LLGL1: variants seen among roughly 807,000 people sequenced by gnomAD.
The protein encoded by LLGL1 is LLGL scribble cell polarity complex component 1, also known as lethal(2) giant larvae protein homolog 1.
A neutral mutation model predicts 110.6 loss-of-function variants in LLGL1; 58 were observed. That is an observed-to-expected ratio of 0.52 (90% confidence interval 0.42 to 0.65). The LOEUF is 0.65. Among genes scored for constraint, LLGL1 ranks in the 30% least tolerant of loss-of-function variants. The pLI, the probability that LLGL1 is intolerant of heterozygous loss-of-function variation, is 0.00. For missense variants in LLGL1, 1,229 were observed against 1,462.1 expected, an observed-to-expected ratio of 0.84 and a Z score of 2.60; for synonymous variants, 674 against 607.2, an observed-to-expected ratio of 1.11 and a Z score of -1.62.
At chr17:18,236,563 C>A in intron 11 of LLGL1, 44 bp from the exon 12 acceptor site, 1 of 1,573,198 alleles carries the variant, frequency 6.4e-7, no homozygotes, top group African/African-American at 1.3e-5. Flanking sequence ...GGCGTGCAGG[C>A]CTCCCAGGAA....
At position 18,233,854 on chromosome 17, in the gene LLGL1, G is replaced by A; in HGVS notation, c.469G>A (p.Gly157Ser). ...CGACATAGCAGCCCTGGGCACTGAG[G>A]GCAGCAGTGTCTTCTTCCTGGATGT... is the stretch of plus-strand genomic sequence containing the variant. ...ASDIAALGTE[G>S]SSVFFLDVTT... The change falls in exon 5 of 23, where the codon GGC becomes AGC. Residue 157 changes from glycine (G) to serine (S), a missense_variant. Gly to Ser is a moderately conservative substitution (Grantham distance 56, BLOSUM62 0). Transcript: ENST00000316843. 6.2e-7 allele frequency: 1 copy of A among 1,613,832 alleles called. No homozygotes were observed.
rs777994495 is a variant in LLGL1, at chr17:18,242,549, A to G, written c.3037A>G (p.Ile1013Val). The change falls in exon 21 of 23, where the codon ATC (isoleucine) becomes GTC (valine). Residue 1013 changes from isoleucine (I) to valine (V), a missense_variant. By Grantham distance (29) the Ile-to-Val change is conservative. Transcript: ENST00000316843. ...PPEAALSPMS[I>V]DSATSADTTL... ...CGAGGCTGCACTCTCACCCATGTCC[A>G]TCGACTCAGCCACCAGTGCTGACAC... 5 of 1,614,068 alleles carry G rather than the reference A, an allele frequency of 3.1e-6. No individual in the cohort carries two copies. Among genetic ancestry groups the G allele is most frequent in the African/African-American group, 2.7e-5 (2 of 75,042 alleles).
chr17:18,235,923 G>C, intron 11 of LLGL1: 1 of 244,740 alleles, frequency 4.1e-6, no homozygotes, highest in Non-Finnish European at 8.0e-6. Context: ...CCCCACTCCC[G>C]CCTGTGCTGG....
Position 18,236,673 on chromosome 17 carries a change from G to A in LLGL1, c.1419G>A (p.Leu473=). The A allele has an allele frequency of 6.2e-7, 1 of 1,612,874 alleles. No individual in the cohort carries two copies. Among genetic ancestry groups the A allele is most frequent in the Non-Finnish European group, 8.5e-7 (1 of 1,180,000 alleles). ...SGVALRPLYK[L]STAGLFQTDC... is the part of the protein sequence containing the mutation. ...TGGCGCTGCGGCCGCTCTATAAGCT[G>A]AGCACAGCTGGCCTCTTCCAGACAG... The change falls in exon 12 of 23, where the codon CTG becomes CTA. Residue 473 remains leucine, a synonymous_variant. Coordinates refer to ENST00000316843, the MANE Select transcript of LLGL1 (RefSeq NM_004140.4).
chr17:18,226,075 T>G (rs2047433932), intron 1 of LLGL1, among the ~76,000 whole-genome samples: 1 of 152,042 alleles, frequency 6.6e-6, no homozygotes, highest in Non-Finnish European at 1.5e-5. Flanking sequence ...TCTCTGGGTC[T>G]CTGTCCCTCT....
rs141442420 is a variant in LLGL1 at position 18,240,789 on chromosome 17, C to G, written c.2418C>G (p.Pro806=). 1 of 1,596,804 alleles carries G rather than the reference C, an allele frequency of 6.3e-7. No individual in the cohort carries two copies. The highest frequency in any genetic ancestry group is 8.5e-7 in the Non-Finnish European group (1 of 1,170,776). The change falls in exon 17 of 23, where the codon CCC becomes CCG. Residue 806 remains proline, a synonymous_variant. Transcript: ENST00000316843. The surrounding 1 kb of genome is among the most constrained non-coding windows in gnomAD (Gnocchi z 5.3). ...LDGRGRPLPE[P]YEASRDLAQA... ...GGCGTGGCCGCCCACTGCCCGAGCC[C>G]TACGAGGCCTCACGGGACCTGGCGC...
At position 18,238,131 on chromosome 17, in the gene LLGL1, A is replaced by C. The variant is rs2047737442; in HGVS notation, c.1969A>C (p.Lys657Gln). 6.2e-7 allele frequency: 1 copy of C among 1,613,708 alleles called. No individual in the cohort carries two copies. The highest frequency in any genetic ancestry group is 8.5e-7 in the Non-Finnish European group (1 of 1,180,004). Residue 657 changes from lysine (K) to glutamine (Q), a missense_variant, in exon 15 of 23, where the codon AAG becomes CAG. Coordinates refer to ENST00000316843, the MANE Select transcript of LLGL1 (RefSeq NM_004140.4). ...TCCGCTCTCCCGGGTGAAGTCTCTC[A>C]AGAAGTCACTGCGCCAGTCTTTCCG... ...EGPLSRVKSLKKSLRQSFRRI... is the reference protein window; with the variant it reads ...EGPLSRVKSLQKSLRQSFRRI...
At position 18,241,953 on chromosome 17, in the gene LLGL1, C is replaced by T. The variant is rs776008239; in HGVS notation, c.2836C>T (p.Leu946Phe). Residue 946 changes from leucine (L) to phenylalanine (F), a missense_variant, in exon 19 of 23, where the codon CTC (leucine) becomes TTC (phenylalanine). Transcript: ENST00000316843. ...SLSARNITEP[L>F]CSLDINWPRD... ...AAGTGCCCGGAACATCACAGAGCCGCTCTGCTCTCTGGACATTAACTGGCC... is the reference window on the plus strand; with the variant it reads ...AAGTGCCCGGAACATCACAGAGCCGTTCTGCTCTCTGGACATTAACTGGCC... 14 of 1,614,194 alleles carry T rather than the reference C, an allele frequency of 8.7e-6. No homozygotes were observed. Among genetic ancestry groups the T allele is most frequent in the Middle Eastern group, 1.6e-4 (1 of 6,062 alleles).
chr17:18,235,205 T>G lies in LLGL1; in HGVS notation c.1177T>G (p.Ser393Ala). ...PAPYLAPLHSSAITCSAHVAS... is the reference protein window; with the variant it reads ...PAPYLAPLHSAAITCSAHVAS... ...CCCATACCTGGCCCCGCTGCACTCC[T>G]CTGCAATCACTTGCTCGGCCCACGT... Residue 393 changes from serine (S) to alanine (A), a missense_variant, in exon 10 of 23, where the codon TCT becomes GCT. Ser to Ala is a moderately conservative substitution (Grantham distance 99). Transcript: ENST00000316843. The G allele has an allele frequency of 6.2e-7, 1 of 1,611,990 alleles. No homozygotes were observed. The highest frequency in any genetic ancestry group is 8.5e-7 in the Non-Finnish European group (1 of 1,180,014).
In LLGL1 at chr17:18,234,715, G is replaced by A. The variant is rs1420111414; in HGVS notation, c.905+12G>A. ...AACTGTGAATCTGGGTAGGTCGAGG[G>A]AGTGGGTGTCCGATGTGAGTTGGGT... On this transcript the variant is annotated intron_variant, in intron 8 of 22. Coordinates refer to ENST00000316843, the MANE Select transcript of LLGL1 (RefSeq NM_004140.4). 1.9e-6 allele frequency: 3 copies of A among 1,614,080 alleles called. No individual in the cohort carries two copies. The highest frequency in any genetic ancestry group is 1.7e-6 in the Non-Finnish European group (2 of 1,179,994).
At chr17:18,231,795 G>C (rs529249508) in intron 2 of LLGL1, among the ~76,000 whole-genome samples, 32 of 152,306 alleles carry the variant, frequency 2.1e-4, no homozygotes, top group Admixed American at 7.2e-4. Context: ...AAATAGCTGG[G>C]ATTACAGGTG....
At position 18,244,722 on chromosome 17, in the gene LLGL1, CG is replaced by C. The variant is rs1163776679; in HGVS notation, c.*828del. 0.054 allele frequency: 425 copies of C among 7,836 alleles called. 22 individuals are homozygous for C. Among genetic ancestry groups the C allele is most frequent in the African/African-American group, 0.26 (239 of 910 alleles). The allele number at this position is 7,836 out of a possible 1,614,324, so 0.5% of individuals were successfully genotyped here. A position where few individuals can be genotyped will look rare whatever the true frequency, so the allele number is the denominator to read the frequency against. Reference sequence around the variant, plus strand: ...GGCCTAGTCAGGTGTGTGTGTCCGGCGGGGGGGGGGGGCAGGGGGGGGGGTC... The same window carrying C: ...GGCCTAGTCAGGTGTGTGTGTCCGGCGGGGGGGGGGGCAGGGGGGGGGGTC... On this transcript the variant is annotated 3_prime_UTR_variant, in exon 23 of 23. Transcript: ENST00000316843.
Position 18,241,475 on chromosome 17 carries a change from G to A in LLGL1, c.2527G>A (p.Ala843Thr), listed in dbSNP as rs774588509. The A allele has an allele frequency of 8.1e-6, 13 of 1,613,232 alleles. No individual in the cohort carries two copies. The highest frequency in any genetic ancestry group is 4.5e-5 in the East Asian group (2 of 44,882). Reference protein sequence around the residue: ...FKVFTLPKVSAKTKFKLTAHE... With the variant: ...FKVFTLPKVSTKTKFKLTAHE... The stretch of plus-strand genomic sequence containing the variant: ...GGTGTTCACACTGCCCAAGGTGAGC[G>A]CGAAGACCAAGTTCAAGCTGACGGC... Residue 843 changes from alanine (A) to threonine (T), a missense_variant, in exon 18 of 23, where the codon GCG (alanine) becomes ACG (threonine). Physicochemically the swap from Ala to Thr is moderately conservative, Grantham distance 58 (BLOSUM62 0). Transcript: ENST00000316843.
chr17:18,237,058 G>T, intron 13 of LLGL1, 119 bp downstream of exon 13: 1 of 879,614 alleles, frequency 1.1e-6, no homozygotes. Context: ...GGTGGGAATA[G>T]GGCTCTGGGT....
At chr17:18,236,334 T>G in intron 11 of LLGL1, 1 of 464,132 alleles carries the variant, frequency 2.2e-6, no homozygotes, top group South Asian at 2.8e-5. Flanking sequence ...CATGTCCCCC[T>G]TTGCCACCTC....
intron 14 of LLGL1, 38 bp downstream of exon 14, chr17:18,237,811 C>T (rs774057833): frequency 1.9e-6 from 3 of 1,571,898 alleles, no homozygotes; most frequent in East Asian, 4.5e-5. Context: ...TTGGAGCCCC[C>T]AGCGAGATGG....
At chr17:18,227,894 G>A (rs1408505385) in intron 1 of LLGL1, among the ~76,000 whole-genome samples, 1 of 152,148 alleles carries the variant, frequency 6.6e-6, no homozygotes, top group Non-Finnish European at 1.5e-5. Flanking sequence ...ATAGGTGATC[G>A]CTAGGGAATA....
Position 18,225,655 on chromosome 17 carries a change from G to C in LLGL1, c.-28G>C, listed in dbSNP as rs954287606. 1.0e-6 allele frequency: 1 copy of C among 974,430 alleles called. No individual in the cohort carries two copies. Among genetic ancestry groups the C allele is most frequent in the African/African-American group, 1.8e-5 (1 of 56,406 alleles). The allele number at this position is 974,430 out of a possible 1,614,324, so 60.4% of individuals were successfully genotyped here. On this transcript the variant is annotated 5_prime_UTR_variant, in exon 1 of 23. Coordinates refer to ENST00000316843, the MANE Select transcript of LLGL1 (RefSeq NM_004140.4). ...GGCGCATCCTGCGGGCGGCGGCGGC[G>C]GGCGAGGCGCCTGCAGCCGGGCGCA...
Position 18,238,495 on chromosome 17 carries a change from C to T in LLGL1, c.2092C>T (p.Pro698Ser). The stretch of plus-strand genomic sequence containing the variant: ...TGCACAGCTGGCTGAGCAGGCCTGC[C>T]CCCACGACGTGGAGATGACGCCCGT... ...ANAQLAEQAC[P>S]HDVEMTPVQR... is the part of the protein sequence containing the mutation. The change falls in exon 16 of 23, where the codon CCC (proline) becomes TCC (serine). Residue 698 changes from proline (P) to serine (S), a missense_variant. Pro to Ser is a moderately conservative substitution (Grantham distance 74). Transcript: ENST00000316843. The T allele has an allele frequency of 6.2e-7, 1 of 1,612,308 alleles. No individual in the cohort carries two copies. The highest frequency in any genetic ancestry group is 8.5e-7 in the Non-Finnish European group (1 of 1,179,914).
Sources: gnomAD v4.1 joint callset for allele counts (sites outside exome capture counted in the v4.1 genomes callset) on GRCh38, gnomAD v4.1.1 for gene constraint, Gnocchi (gnomAD v3.1) non-coding constraint, MANE v1.5 for transcripts, NCBI Gene and HGNC (gene_info 2026-07-23, HGNC 2026-07-21) for gene names.